KLHL1: variants seen among roughly 807,000 people sequenced by gnomAD.
KLHL1 encodes kelch-like protein 1.
In KLHL1, 47 loss-of-function variants were observed where a neutral mutation model predicts 77.7. That is an observed-to-expected ratio of 0.60 (90% CI 0.48 to 0.77). The LOEUF (loss-of-function observed/expected upper bound fraction) is 0.77, where lower values mean the gene tolerates loss of function less well. Ranked by LOEUF, KLHL1 falls within the 30% of genes least tolerant of loss-of-function variation. The pLI, the probability that KLHL1 is intolerant of heterozygous loss-of-function variation, is 0.00. For missense variants in KLHL1, 925 were observed against 910.8 expected, an observed-to-expected ratio of 1.02 and a Z score of -0.20; for synonymous variants, 360 against 325.2, an observed-to-expected ratio of 1.11 and a Z score of -1.15.
At chr13:69,822,832 GA>G (rs1878391137) in intron 6 of KLHL1, among the ~76,000 whole-genome samples, 1 of 152,018 alleles carries the variant, frequency 6.6e-6, no homozygotes, top group Non-Finnish European at 1.5e-5. Flanking sequence ...AGATTAAATT[GA>G]TATTGATATT....
chr13:69,703,462 T>C (rs547893667), intron 10 of KLHL1, among the ~76,000 whole-genome samples: 8 of 151,494 alleles, frequency 5.3e-5, no homozygotes, highest in Admixed American at 5.3e-4. Flanking sequence ...AAAAAAAAAT[T>C]ACAGTAAGCT....
intron 1 of KLHL1, among the ~76,000 whole-genome samples, chr13:69,991,632 A>G (rs970812201): frequency 6.6e-6 from 1 of 151,886 alleles, no homozygotes; most frequent in South Asian, 2.1e-4. Flanking sequence ...GAACAGACCA[A>G]TAATGAGCTC....
chr13:69,846,988 A>G (rs1374395712), intron 5 of KLHL1, among the ~76,000 whole-genome samples: 1 of 151,492 alleles, frequency 6.6e-6, no homozygotes, highest in Non-Finnish European at 1.5e-5. Flanking sequence ...AAATAGAATC[A>G]ATTTTCATGT....
Position 69,855,331 on chromosome 13 carries a change from G to C in KLHL1, c.1228-16169C>G, listed in dbSNP as rs752994944. The stretch of plus-strand genomic sequence containing the variant: ...AGATAGATAGATAGATAGATAGATA[G>C]ATAGATAGATAGATAGACAGACAGA... On this transcript the variant is annotated intron_variant, in intron 5 of 10. Coordinates refer to ENST00000377844, the MANE Select transcript of KLHL1 (RefSeq NM_020866.3). 5.9e-3 allele frequency among the ~76,000 whole-genome samples: 661 copies of C among 111,624 alleles called. 9 individuals are homozygous for C. The highest frequency in any genetic ancestry group is 0.019 in the African/African-American group (465 of 24,804). The allele number at this position is 111,624 out of a possible 152,430, so 73.2% of individuals were successfully genotyped here.
chr13:69,955,868 CAT>C (rs956823874), intron 3 of KLHL1, among the ~76,000 whole-genome samples: 1 of 138,952 alleles, frequency 7.2e-6, no homozygotes, highest in Non-Finnish European at 1.5e-5. Flanking sequence ...AAAATACTAG[CAT>C]ATATATATTT....
chr13:69,944,398 C>T (rs891400036), intron 3 of KLHL1, among the ~76,000 whole-genome samples: 4 of 152,188 alleles, frequency 2.6e-5, no homozygotes, highest in Non-Finnish European at 5.9e-5. Context: ...TTGGCCTTCG[C>T]CCCATAGGTA....
intron 1 of KLHL1, among the ~76,000 whole-genome samples, chr13:70,067,017 C>T (rs1026917275): frequency 6.6e-6 from 1 of 152,162 alleles, no homozygotes; most frequent in Admixed American, 6.5e-5. Context: ...AAGCTCTAGG[C>T]ACTCACTAGG....
intron 6 of KLHL1, among the ~76,000 whole-genome samples, chr13:69,824,779 AGTGTGCTTTCTGG>A (rs1370974676): frequency 6.6e-6 from 1 of 152,108 alleles, no homozygotes; most frequent in Non-Finnish European, 1.5e-5. Flanking sequence ...AAGGAATATG[AGTGTGCTTTCTGG>A]GGTAGTGGCA....
intron 1 of KLHL1, among the ~76,000 whole-genome samples, chr13:69,996,202 C>CT: frequency 6.6e-6 from 1 of 152,052 alleles, no homozygotes; most frequent in East Asian, 1.9e-4. Context: ...ACTCAGGAGG[C>CT]TGAGGCAGGA....
At chr13:70,102,631 T>A (rs569434097) in intron 1 of KLHL1, among the ~76,000 whole-genome samples, 1 of 152,296 alleles carries the variant, frequency 6.6e-6, no homozygotes, top group Admixed American at 6.5e-5. Flanking sequence ...TGGAGTCAGA[T>A]ACAACGGGTT....
At chr13:69,949,774 G>T (rs985301503) in intron 3 of KLHL1, among the ~76,000 whole-genome samples, 1 of 151,740 alleles carries the variant, frequency 6.6e-6, no homozygotes, top group Non-Finnish European at 1.5e-5. Context: ...TTCAAAAAAG[G>T]AAGGAGAGTT....
At chr13:69,861,687 C>T (rs966878349) in intron 5 of KLHL1, among the ~76,000 whole-genome samples, 8 of 150,354 alleles carry the variant, frequency 5.3e-5, no homozygotes, top group African/African-American at 1.2e-4. Flanking sequence ...CAGTGGCTCA[C>T]GCCTGTAATC....
chr13:69,980,712 A>T lies in KLHL1; in HGVS notation c.498-4910T>A, dbSNP rs145788220. On this transcript the variant is annotated intron_variant, in intron 1 of 10. Coordinates refer to ENST00000377844, the MANE Select transcript of KLHL1 (RefSeq NM_020866.3). ...TTTAAAAAATAGATTCAGGGGATAGATGTGCATTTGTTACATGAGTATATT... is the reference window on the plus strand; with the variant it reads ...TTTAAAAAATAGATTCAGGGGATAGTTGTGCATTTGTTACATGAGTATATT... Among the ~76,000 whole-genome samples, 293 of 152,072 alleles carry T rather than the reference A, an allele frequency of 1.9e-3. 1 individual carries two copies. Among genetic ancestry groups the T allele is most frequent in the Middle Eastern group, 6.8e-3 (2 of 294 alleles).
intron 4 of KLHL1, among the ~76,000 whole-genome samples, chr13:69,909,772 C>A (rs561306697): frequency 6.6e-6 from 1 of 152,088 alleles, no homozygotes; most frequent in South Asian, 2.1e-4. Context: ...AATAGAAAAT[C>A]TAGTAAAAGC....
At chr13:70,044,365 G>C (rs963198659) in intron 1 of KLHL1, among the ~76,000 whole-genome samples, 1 of 152,068 alleles carries the variant, frequency 6.6e-6, no homozygotes, top group African/African-American at 2.4e-5. Context: ...AGTCTGTCTA[G>C]AATAGTACTA....
Position 69,866,838 on chromosome 13 carries a change from C to T in KLHL1, c.1227+15445G>A, listed in dbSNP as rs190584223. On this transcript the variant is annotated intron_variant, in intron 5 of 10. Coordinates refer to ENST00000377844, the MANE Select transcript of KLHL1 (RefSeq NM_020866.3). ...AAATTTAGAGGTAATAAGAGGGCTT[C>T]GTAATTCAGAACACCACATGTTTTG... 3.7e-4 allele frequency among the ~76,000 whole-genome samples: 57 copies of T among 152,130 alleles called. 1 individual carries two copies. Among genetic ancestry groups the T allele is most frequent in the South Asian group, 8.3e-4 (4 of 4,828 alleles).
chr13:70,041,675 C>T (rs115520950), intron 1 of KLHL1, among the ~76,000 whole-genome samples: 1,593 of 152,126 alleles, frequency 0.01, 42 homozygotes, highest in African/African-American at 0.036. Flanking sequence ...CCTGACTTTC[C>T]ACTAGTGCCA....
intron 7 of KLHL1, among the ~76,000 whole-genome samples, chr13:69,782,523 C>T (rs376589020): frequency 6.6e-6 from 1 of 152,230 alleles, no homozygotes; most frequent in Admixed American, 6.5e-5. Context: ...TATCCTGCAC[C>T]TGGCTTGGAG....
intron 7 of KLHL1, among the ~76,000 whole-genome samples, chr13:69,753,227 A>G (rs1011381711): frequency 2.0e-5 from 3 of 152,154 alleles, no homozygotes; most frequent in Admixed American, 2.0e-4. Context: ...CCAAACCTTC[A>G]TAGCTGTTAA....
Sources: allele counts gnomAD v4.1 joint callset (sites outside exome capture counted in the v4.1 genomes callset), GRCh38; gene constraint gnomAD v4.1.1; transcripts MANE v1.5; gene names NCBI Gene and HGNC (gene_info 2026-07-23, HGNC 2026-07-21).